MEI4: variants seen among roughly 807,000 people sequenced by gnomAD.
MEI4 encodes the protein meiosis-specific protein MEI4.
In MEI4, 27 loss-of-function variants were observed where a neutral mutation model predicts 31.4. The ratio of observed to expected loss-of-function variants is 0.86; its 90% CI spans 0.63 to 1.19. The LOEUF (loss-of-function observed/expected upper bound fraction) is 1.19, where lower values mean the gene tolerates loss of function less well. Ranked by LOEUF, MEI4 falls within the 50% of genes most tolerant of loss-of-function variation. MEI4 has a pLI of 0.00. For synonymous variants in MEI4, 122 were observed against 145.4 expected, an observed-to-expected ratio of 0.84 and a Z score of 1.16; for missense variants, 329 against 398.9, an observed-to-expected ratio of 0.82 and a Z score of 1.49.
At chr6:77,657,530 T>G (rs1768419719) in intron 1 of MEI4, among the ~76,000 whole-genome samples, 1 of 152,172 alleles carries the variant, frequency 6.6e-6, no homozygotes, top group Non-Finnish European at 1.5e-5. Context: ...CCAGCCCTTC[T>G]TTACTATGTG....
chr6:77,694,607 G>A (rs1371981489), intron 2 of MEI4, among the ~76,000 whole-genome samples: 1 of 151,998 alleles, frequency 6.6e-6, no homozygotes, highest in Non-Finnish European at 1.5e-5. Flanking sequence ...ATTTTTTATG[G>A]CTGCATAGTA....
At chr6:77,772,999 C>T (rs1347207321) in intron 3 of MEI4, among the ~76,000 whole-genome samples, 1 of 151,906 alleles carries the variant, frequency 6.6e-6, no homozygotes, top group East Asian at 1.9e-4. Context: ...AGAAAGATGT[C>T]TTCAATGAAA....
chr6:77,834,631 T>G (rs1770169738), intron 4 of MEI4, among the ~76,000 whole-genome samples: 1 of 151,946 alleles, frequency 6.6e-6, no homozygotes, highest in Non-Finnish European at 1.5e-5. Context: ...CCGCTTGCAG[T>G]CTCCAAGCTG....
At chr6:77,653,329 A>G (rs944657563) in intron 1 of MEI4, among the ~76,000 whole-genome samples, 1 of 152,210 alleles carries the variant, frequency 6.6e-6, no homozygotes, top group African/African-American at 2.4e-5. Flanking sequence ...CCACAGCCTT[A>G]GCCTCTTAAC....
intron 4 of MEI4, among the ~76,000 whole-genome samples, chr6:77,870,170 T>C (rs570378612): frequency 6.6e-6 from 1 of 152,284 alleles, no homozygotes; most frequent in Admixed American, 6.5e-5. Context: ...CAATAGAAAA[T>C]GTACTTTGAA....
intron 4 of MEI4, among the ~76,000 whole-genome samples, chr6:77,894,175 G>C (rs529732690): frequency 2.5e-4 from 38 of 152,174 alleles, no homozygotes; most frequent in African/African-American, 8.4e-4. Context: ...ATGTGACAAA[G>C]TGTTTGAAAT....
intron 1 of MEI4, among the ~76,000 whole-genome samples, chr6:77,680,018 C>T (rs1406003129): frequency 1.3e-5 from 2 of 150,756 alleles, no homozygotes; most frequent in Non-Finnish European, 3.0e-5. Flanking sequence ...GGATTGCAGG[C>T]GTGAGCGACC....
chr6:77,907,466 C>T (rs1333734147), intron 4 of MEI4, among the ~76,000 whole-genome samples: 1 of 152,134 alleles, frequency 6.6e-6, no homozygotes, highest in African/African-American at 2.4e-5. Flanking sequence ...AGGACATGAA[C>T]TCATCATTTT....
intron 2 of MEI4, among the ~76,000 whole-genome samples, chr6:77,732,712 C>G (rs1375527497): frequency 2.0e-5 from 3 of 152,040 alleles, no homozygotes; most frequent in Non-Finnish European, 2.9e-5. Flanking sequence ...TGCCAGTTTT[C>G]AAAGGGAATG....
Position 77,785,152 on chromosome 6 carries a change from T to G in MEI4, c.768+23487T>G, listed in dbSNP as rs78754351. Among the ~76,000 whole-genome samples the G allele has an allele frequency of 9.4e-3, 1,427 of 152,326 alleles. 17 individuals are homozygous for G. The highest frequency in any genetic ancestry group is 0.032 in the African/African-American group (1,325 of 41,586). ...TTATTGGAAATCTATATGCCTTCTC[T>G]GAGACTGCATTTTATCTTTTGAAAA... On this transcript the variant is annotated intron_variant, in intron 3 of 4. Coordinates refer to ENST00000684080, the MANE Select transcript of MEI4 (RefSeq NM_001322247.2).
chr6:77,795,134 C>T (rs769054186), intron 3 of MEI4, among the ~76,000 whole-genome samples: 10 of 152,112 alleles, frequency 6.6e-5, no homozygotes, highest in Non-Finnish European at 1.3e-4. Context: ...AAATCTCAAA[C>T]AACCTAACTT....
intron 2 of MEI4, among the ~76,000 whole-genome samples, chr6:77,728,021 T>TAG (rs1345606078): frequency 6.6e-6 from 1 of 152,222 alleles, no homozygotes; most frequent in African/African-American, 2.4e-5. Context: ...GCACAGTACC[T>TAG]AGTAAGACGA....
At chr6:77,659,153 C>T (rs1207575531) in intron 1 of MEI4, among the ~76,000 whole-genome samples, 1 of 152,128 alleles carries the variant, frequency 6.6e-6, no homozygotes, top group Non-Finnish European at 1.5e-5. Context: ...ATTCCAGTAC[C>T]GAGAGCAATA....
intron 4 of MEI4, among the ~76,000 whole-genome samples, chr6:77,852,597 T>TG (rs1770652753): frequency 7.0e-6 from 1 of 143,144 alleles, no homozygotes; most frequent in Admixed American, 7.0e-5. Flanking sequence ...TTTTTTTTTT[T>TG]GTCTCACAGT....
intron 3 of MEI4, among the ~76,000 whole-genome samples, chr6:77,796,390 A>G (rs1417588473): frequency 6.6e-6 from 1 of 152,158 alleles, no homozygotes; most frequent in African/African-American, 2.4e-5. Context: ...AAAAAGAAAT[A>G]AAAGATTCAA....
At chr6:77,786,718 A>G (rs1054225202) in intron 3 of MEI4, among the ~76,000 whole-genome samples, 3 of 152,176 alleles carry the variant, frequency 2.0e-5, no homozygotes, top group Non-Finnish European at 4.4e-5. Flanking sequence ...TTAAATGGGA[A>G]GGCATTACTC....
At chr6:77,701,589 G>A (rs571738332) in intron 2 of MEI4, among the ~76,000 whole-genome samples, 1 of 150,130 alleles carries the variant, frequency 6.7e-6, no homozygotes, top group African/African-American at 2.4e-5. Context: ...ACACATCTAT[G>A]TGTAATGTAA....
chr6:77,839,395 A>G (rs1770302500), intron 4 of MEI4, among the ~76,000 whole-genome samples: 1 of 152,180 alleles, frequency 6.6e-6, no homozygotes. Flanking sequence ...ATCCTTCTCC[A>G]GCCCTTTGCT....
intron 3 of MEI4, among the ~76,000 whole-genome samples, chr6:77,814,498 A>G (rs563129995): frequency 6.6e-6 from 1 of 152,254 alleles, no homozygotes; most frequent in African/African-American, 2.4e-5. Context: ...TCAAAGTATA[A>G]TCCTGTCTAT....
Sources: gnomAD v4.1 joint callset for allele counts (sites outside exome capture counted in the v4.1 genomes callset) on GRCh38, gnomAD v4.1.1 for gene constraint, MANE v1.5 for transcripts, NCBI Gene and HGNC (gene_info 2026-07-23, HGNC 2026-07-21) for gene names.